DLG2: variants seen among roughly 807,000 people sequenced by gnomAD.
DLG2 encodes disks large homolog 2.
Under a neutral mutation model 132.5 loss-of-function variants are expected in DLG2, and 45 were observed. The ratio of observed to expected loss-of-function variants is 0.34; its 90% confidence interval spans 0.27 to 0.44. The LOEUF is 0.44. DLG2 is among the 20% of genes least tolerant of loss of function. The pLI, the probability that DLG2 is intolerant of heterozygous loss-of-function variation, is 1.00. For synonymous variants in DLG2, 424 were observed against 419.6 expected (o/e 1.01, Z -0.13); for missense variants, 1,045 against 1,196.9 (o/e 0.87, Z 1.87).
At chr11:84,609,393 A>T (rs2099591413) in intron 6 of DLG2, among the ~76,000 whole-genome samples, 1 of 152,206 alleles carries the variant, frequency 6.6e-6, no homozygotes, top group Non-Finnish European at 1.5e-5. Flanking sequence ...ATTGTTTGTT[A>T]AAAAGAGAGA....
intron 8 of DLG2, among the ~76,000 whole-genome samples, chr11:84,182,462 GAGGCTAC>G (rs2096160029): frequency 6.6e-6 from 1 of 151,730 alleles, no homozygotes; most frequent in Non-Finnish European, 1.5e-5. Context: ...CCAGGAGGTT[GAGGCTAC>G]AGTGAGCCCT....
At chr11:84,875,019 C>CAA (rs563276131) in intron 6 of DLG2, among the ~76,000 whole-genome samples, 4,126 of 59,724 alleles carry the variant, frequency 0.069, 113 homozygotes, top group Admixed American at 0.11. Context: ...TACTTCATCT[C>CAA]AAAAAAAAAA....
intron 6 of DLG2, among the ~76,000 whole-genome samples, chr11:84,717,449 G>A (rs910169690): frequency 1.3e-5 from 2 of 151,944 alleles, no homozygotes; most frequent in African/African-American, 4.8e-5. Context: ...TGAGACCAAA[G>A]GGAACAAGAG....
intron 21 of DLG2, among the ~76,000 whole-genome samples, chr11:83,509,365 C>G (rs549146670): frequency 3.8e-4 from 58 of 152,312 alleles, no homozygotes; most frequent in African/African-American, 1.4e-3. Context: ...GTAACTTGTT[C>G]AAGGTCACAA....
intron 21 of DLG2, among the ~76,000 whole-genome samples, chr11:83,489,707 CT>C (rs2093730216): frequency 1.3e-5 from 2 of 151,738 alleles, no homozygotes; most frequent in African/African-American, 2.4e-5. Flanking sequence ...TATGTACCCC[CT>C]GAGTATATTG....
intron 17 of DLG2, among the ~76,000 whole-genome samples, chr11:83,809,082 T>C (rs2046630382): frequency 1.3e-5 from 2 of 152,166 alleles, no homozygotes; most frequent in Admixed American, 1.3e-4. Flanking sequence ...CTCTGGTTGA[T>C]TTATCGTGCT....
chr11:85,465,467 C>T (rs1057213230), intron 3 of DLG2, among the ~76,000 whole-genome samples: 1 of 152,096 alleles, frequency 6.6e-6, no homozygotes, highest in Non-Finnish European at 1.5e-5. Context: ...CCCCCCACCC[C>T]ACAACAGGCC....
At chr11:84,909,676 C>T (rs948018461) in intron 6 of DLG2, among the ~76,000 whole-genome samples, 10 of 152,212 alleles carry the variant, frequency 6.6e-5, no homozygotes, top group African/African-American at 1.2e-4. Context: ...TCTATCTATC[C>T]GAATAGGCTC....
At chr11:84,642,034 A>G (rs551082745) in intron 6 of DLG2, among the ~76,000 whole-genome samples, 10 of 106,614 alleles carry the variant, frequency 9.4e-5, no homozygotes, top group Admixed American at 4.9e-4. Context: ...ACACACACAC[A>G]TGCATACGTA....
At chr11:83,571,738 T>C (rs1298769735) in intron 19 of DLG2, among the ~76,000 whole-genome samples, 1 of 152,204 alleles carries the variant, frequency 6.6e-6, no homozygotes, top group African/African-American at 2.4e-5. Flanking sequence ...TGTAGGAAAT[T>C]CTAAATGGAA....
chr11:84,040,949 T>C (rs574329184), intron 11 of DLG2, among the ~76,000 whole-genome samples: 28 of 151,844 alleles, frequency 1.8e-4, no homozygotes, highest in African/African-American at 6.0e-4. Flanking sequence ...CCCTTGTAAG[T>C]TGGATTCCTA....
intron 9 of DLG2, among the ~76,000 whole-genome samples, chr11:84,150,172 T>C (rs1416167808): frequency 6.6e-6 from 1 of 152,218 alleles, no homozygotes; most frequent in Non-Finnish European, 1.5e-5. Flanking sequence ...TCAACGGTAT[T>C]GATTCTTCCA....
intron 7 of DLG2, among the ~76,000 whole-genome samples, chr11:84,455,331 T>C (rs1205447865): frequency 2.0e-5 from 3 of 151,430 alleles, no homozygotes; most frequent in Non-Finnish European, 4.4e-5. Flanking sequence ...ATTTCAGAAA[T>C]CCCAATTCTA....
At chr11:84,986,797 C>G (rs2154122826) in intron 6 of DLG2, among the ~76,000 whole-genome samples, 1 of 152,202 alleles carries the variant, frequency 6.6e-6, no homozygotes. Flanking sequence ...AAACCCATGG[C>G]CAACATAATA....
chr11:83,813,953 G>A (rs564154409), intron 17 of DLG2, among the ~76,000 whole-genome samples: 12 of 152,024 alleles, frequency 7.9e-5, no homozygotes, highest in Admixed American at 2.6e-4. Context: ...ATAAATTGCC[G>A]AAATTCACAA....
chr11:85,423,617 G>T (rs1053732376), intron 3 of DLG2, among the ~76,000 whole-genome samples: 11 of 152,094 alleles, frequency 7.2e-5, no homozygotes, highest in African/African-American at 2.7e-4. Flanking sequence ...CTGCTGTGGG[G>T]GATGGGGGTG....
At chr11:84,160,582 T>C (rs1274082505) in intron 9 of DLG2, among the ~76,000 whole-genome samples, 1 of 152,044 alleles carries the variant, frequency 6.6e-6, no homozygotes, top group African/African-American at 2.4e-5. Context: ...AATGAGGTAA[T>C]AGTGGAAGGA....
intron 21 of DLG2, among the ~76,000 whole-genome samples, chr11:83,488,894 T>TAAAAG: frequency 6.6e-6 from 1 of 151,860 alleles, no homozygotes; most frequent in Non-Finnish European, 1.5e-5. Flanking sequence ...ACAAGTGAGG[T>TAAAAG]AAAAGAACAA....
intron 6 of DLG2, among the ~76,000 whole-genome samples, chr11:84,928,982 G>GTGTGTATA (rs1400906684): frequency 2.1e-3 from 101 of 49,080 alleles, no homozygotes; most frequent in African/African-American, 3.7e-3. Flanking sequence ...GTGTGTGTGT[G>GTGTGTATA]TATATATATA....
Sources: allele counts gnomAD v4.1 joint callset (sites outside exome capture counted in the v4.1 genomes callset), GRCh38; gene constraint gnomAD v4.1.1; transcripts MANE v1.5; gene names NCBI Gene and HGNC (gene_info 2026-07-23, HGNC 2026-07-21).